FAM184A: variants seen among roughly 807,000 people sequenced by gnomAD.
The protein encoded by FAM184A is protein FAM184A.
FAM184A carries 99 observed loss-of-function variants against 143.8 expected under a neutral mutation model. That is an observed-to-expected ratio of 0.69 (90% confidence interval 0.58 to 0.81). The LOEUF (loss-of-function observed/expected upper bound fraction) is 0.81, where lower values mean the gene tolerates loss of function less well. Ranked by LOEUF, FAM184A falls within the 40% of genes least tolerant of loss-of-function variation. The pLI is 0.00. For missense variants in FAM184A, 1,217 were observed against 1,310.5 expected, an observed-to-expected ratio of 0.93 and a Z score of 1.10; for synonymous variants, 427 against 446.4, an observed-to-expected ratio of 0.96 and a Z score of 0.55.
chr6:119,060,026 CTCT>C lies in FAM184A; in HGVS notation c.159+18112_159+18114del, dbSNP rs559083927. Among the ~76,000 whole-genome samples the C allele has an allele frequency of 9.8e-4, 149 of 152,160 alleles. 2 individuals are homozygous for C. The highest frequency in any genetic ancestry group is 4.6e-3 in the Admixed American group (71 of 15,278). On this transcript the variant is annotated intron_variant, in intron 1 of 17. Transcript: ENST00000338891. ...CACTAACAAATCACAGTGTATATGACTCTTTGTAACTACCTGGCAGAAAAAAAC... is the reference window on the plus strand; with the variant it reads ...CACTAACAAATCACAGTGTATATGACTTGTAACTACCTGGCAGAAAAAAAC...
At chr6:119,083,749 C>A (rs1788138344) in intron 1 of FAM184A, among the ~76,000 whole-genome samples, 1 of 152,172 alleles carries the variant, frequency 6.6e-6, no homozygotes, top group Non-Finnish European at 1.5e-5. Flanking sequence ...TGGTCAAATT[C>A]ATTCAACAAG....
chr6:119,033,675 AAAAG>A (rs1170606039), intron 1 of FAM184A, among the ~76,000 whole-genome samples: 4 of 148,294 alleles, frequency 2.7e-5, no homozygotes, highest in East Asian at 2.0e-4. Context: ...AAAAAAAAAA[AAAAG>A]AAAGAAAGAA....
chr6:119,045,797 TA>T (rs898212886), intron 1 of FAM184A, among the ~76,000 whole-genome samples: 29 of 151,788 alleles, frequency 1.9e-4, no homozygotes, highest in South Asian at 4.2e-4. Flanking sequence ...TAAAGCCAAT[TA>T]AAAAAAATTT....
chr6:119,023,552 T>TCCC (rs758190115), intron 2 of FAM184A, among the ~76,000 whole-genome samples: 4 of 14,000 alleles, frequency 2.9e-4, no homozygotes, highest in African/African-American at 7.4e-4. Context: ...AGCAATATTG[T>TCCC]CCGCCCCCCC....
At chr6:119,129,652 G>C (rs1384325574) in intron 1 of FAM184A, among the ~76,000 whole-genome samples, 1 of 151,238 alleles carries the variant, frequency 6.6e-6, no homozygotes, top group Admixed American at 6.6e-5. Flanking sequence ...GGTTCTCAAA[G>C]TGAGCTGACT....
At chr6:119,133,511 A>G (rs1049239711) in intron 1 of FAM184A, among the ~76,000 whole-genome samples, 2 of 152,130 alleles carry the variant, frequency 1.3e-5, no homozygotes, top group African/African-American at 4.8e-5. Context: ...AGCCTACCCT[A>G]CAGAGAGCTC....
chr6:119,085,601 C>T (rs1788198393), intron 1 of FAM184A, among the ~76,000 whole-genome samples: 1 of 152,220 alleles, frequency 6.6e-6, no homozygotes, highest in African/African-American at 2.4e-5. Flanking sequence ...TGACAGTTAC[C>T]TAGTTCCAAA....
chr6:119,075,795 C>T (rs1787851732), intron 1 of FAM184A, among the ~76,000 whole-genome samples: 1 of 152,112 alleles, frequency 6.6e-6, no homozygotes, highest in Non-Finnish European at 1.5e-5. Context: ...TGTTTATATA[C>T]ACTCATGATG....
At chr6:119,141,202 A>G (rs540456025) in intron 1 of FAM184A, among the ~76,000 whole-genome samples, 3 of 152,266 alleles carry the variant, frequency 2.0e-5, no homozygotes, top group African/African-American at 4.8e-5. Flanking sequence ...TTTAAAACTC[A>G]GTCTTTGCCT....
intron 1 of FAM184A, among the ~76,000 whole-genome samples, chr6:119,141,236 C>T (rs939827037): frequency 3.3e-5 from 5 of 152,212 alleles, no homozygotes; most frequent in Non-Finnish European, 7.3e-5. Context: ...CCTGCCTAGT[C>T]GAATTGCCCT....
At chr6:118,994,409 G>A (rs777639568) in intron 9 of FAM184A, among the ~76,000 whole-genome samples, 153 of 151,976 alleles carry the variant, frequency 1.0e-3, no homozygotes, top group Middle Eastern at 3.4e-3. Flanking sequence ...AGGGTTGGCC[G>A]GGTGCGGTGG....
chr6:118,961,918 C>A lies in FAM184A; in HGVS notation c.3184G>T (p.Val1062Phe). 6.2e-7 allele frequency: 1 copy of A among 1,613,916 alleles called. No homozygotes were observed. Among genetic ancestry groups the A allele is most frequent in the Non-Finnish European group, 8.5e-7 (1 of 1,179,868 alleles). Residue 1062 changes from valine to phenylalanine, a missense_variant, in exon 17 of 18, where the codon GTT (valine) becomes TTT (phenylalanine). Transcript: ENST00000338891. The stretch of plus-strand genomic sequence containing the variant: ...GATTCCAGAGCACTTAGATTGGGAA[C>A]ACTCACAAACCTGTTTGTTGGTGAT... ...DKSPTNRFVS[V>F]PNLSALESGG...
At chr6:118,988,644 C>A (rs572022122) in intron 9 of FAM184A, among the ~76,000 whole-genome samples, 1 of 152,242 alleles carries the variant, frequency 6.6e-6, no homozygotes, top group South Asian at 2.1e-4. Flanking sequence ...TAATAATAAT[C>A]TGGTTTTATA....
At chr6:119,060,799 C>G (rs1787202170) in intron 1 of FAM184A, among the ~76,000 whole-genome samples, 1 of 152,186 alleles carries the variant, frequency 6.6e-6, no homozygotes. Flanking sequence ...CTTTCTTCCT[C>G]CTGGCCATGT....
At chr6:119,084,193 A>G (rs1338544861) in intron 1 of FAM184A, among the ~76,000 whole-genome samples, 1 of 152,182 alleles carries the variant, frequency 6.6e-6, no homozygotes, top group African/African-American at 2.4e-5. Flanking sequence ...AATTGTCCCC[A>G]TGATTCAATC....
At chr6:119,073,006 T>C (rs956876899) in intron 1 of FAM184A, among the ~76,000 whole-genome samples, 3 of 152,212 alleles carry the variant, frequency 2.0e-5, no homozygotes, top group Non-Finnish European at 2.9e-5. Flanking sequence ...AAACCATTCA[T>C]ATTAAGGTTA....
At chr6:119,120,827 CCTTT>C (rs1244564962) in intron 1 of FAM184A, among the ~76,000 whole-genome samples, 7,596 of 112,604 alleles carry the variant, frequency 0.067, 486 homozygotes, top group Admixed American at 0.21. Flanking sequence ...TTTCTTTCTT[CCTTT>C]CTTTCTTTCT....
intron 1 of FAM184A, chr6:119,025,520 T>G: frequency 1.9e-6 from 1 of 518,904 alleles, no homozygotes; most frequent in Non-Finnish European, 3.8e-6. Context: ...TAAGCCAGAG[T>G]TTTGAGTACA....
At chr6:119,072,661 A>G (rs1787733105) in intron 1 of FAM184A, among the ~76,000 whole-genome samples, 1 of 152,212 alleles carries the variant, frequency 6.6e-6, no homozygotes, top group South Asian at 2.1e-4. Context: ...AGGCTTTTTT[A>G]TATTTGCTAA....
Sources: allele counts gnomAD v4.1 joint callset (sites outside exome capture counted in the v4.1 genomes callset), GRCh38; gene constraint gnomAD v4.1.1; transcripts MANE v1.5; gene names NCBI Gene and HGNC (gene_info 2026-07-23, HGNC 2026-07-21).